TM7SF3: variants seen among roughly 807,000 people sequenced by gnomAD.
TM7SF3 encodes the protein transmembrane 7 superfamily member 3, also known as seven span transmembrane protein.
Under a neutral mutation model 65.5 loss-of-function variants are expected in TM7SF3, and 60 were observed. The observed-to-expected ratio is 0.92, with a 90% CI of 0.74 to 1.14. TM7SF3 has a LOEUF of 1.14. TM7SF3 is among the 50% of genes most tolerant of loss of function. The probability of loss-of-function intolerance (pLI) is 0.00; values close to 1 mark genes in which losing one functional copy is unlikely to be tolerated. For missense variants in TM7SF3, 623 were observed against 684.8 expected, an observed-to-expected ratio of 0.91 and a Z score of 1.01; for synonymous variants, 264 against 259.6, an observed-to-expected ratio of 1.02 and a Z score of -0.16.
chr12:27,011,704 T>C (rs1196195921), intron 1 of TM7SF3, among the ~76,000 whole-genome samples: 3 of 152,216 alleles, frequency 2.0e-5, no homozygotes, highest in African/African-American at 4.8e-5. Context: ...TTTTAGCTGA[T>C]AGATGTGGAG....
Position 26,991,373 on chromosome 12 carries a change from C to T in TM7SF3, c.691-746G>A, listed in dbSNP as rs376191163. Among the ~76,000 whole-genome samples, 918 of 151,378 alleles carry T rather than the reference C, an allele frequency of 6.1e-3. 8 individuals are homozygous for T. The highest frequency in any genetic ancestry group is 0.022 in the African/African-American group (888 of 41,230). On this transcript the variant is annotated intron_variant, in intron 5 of 11. Coordinates refer to ENST00000343028, the MANE Select transcript of TM7SF3 (RefSeq NM_016551.3). ...TTCACCTTGTTAGCCAGGATGGTCT[C>T]GATCTCCTGACCTCATGATCCACCC...
intron 6 of TM7SF3, chr12:26,983,356 T>C (rs1939901259): frequency 1.2e-5 from 4 of 331,730 alleles, no homozygotes; most frequent in Middle Eastern, 1.1e-3. Flanking sequence ...TGGAAAACAA[T>C]TGAGATGACT....
At chr12:26,992,668 G>T (rs189338691) in intron 5 of TM7SF3, among the ~76,000 whole-genome samples, 1 of 152,168 alleles carries the variant, frequency 6.6e-6, no homozygotes. Flanking sequence ...GCTATTACCC[G>T]TGTGGTTAAG....
chr12:27,013,959 G>A (rs1281553472), intron 1 of TM7SF3, 119 bp downstream of exon 1: 5 of 838,556 alleles, frequency 6.0e-6, no homozygotes, highest in Non-Finnish European at 1.0e-5. Context: ...ACCACCCAGC[G>A]TGTACCAACG....
intron 2 of TM7SF3, among the ~76,000 whole-genome samples, chr12:27,002,961 C>T (rs374630835): frequency 1.7e-4 from 26 of 152,290 alleles, no homozygotes; most frequent in East Asian, 1.2e-3. Flanking sequence ...ACGAAGAAAA[C>T]TTGCCTGCAT....
intron 5 of TM7SF3, among the ~76,000 whole-genome samples, chr12:26,991,443 C>T (rs1234650170): frequency 5.3e-5 from 8 of 152,284 alleles, no homozygotes; most frequent in African/African-American, 4.8e-5. Flanking sequence ...TGAGCCACCG[C>T]GCCCGGCCAG....
Position 26,973,700 on chromosome 12 carries a change from A to C in TM7SF3, c.*265T>G. The C allele has an allele frequency of 2.7e-6, 1 of 375,816 alleles. No individual in the cohort carries two copies. Among genetic ancestry groups the C allele is most frequent in the South Asian group, 6.5e-5 (1 of 15,294 alleles). 23.3% of individuals were successfully genotyped at this position (375,816 alleles called of 1,614,324 possible). On this transcript the variant is annotated 3_prime_UTR_variant, in exon 12 of 12. Transcript: ENST00000343028. ...ATTTAATGGAATAAGTTGATCATAGATTTGTAAACCAAAAGGTAATTTCTC... is the reference window on the plus strand; with the variant it reads ...ATTTAATGGAATAAGTTGATCATAGCTTTGTAAACCAAAAGGTAATTTCTC...
intron 9 of TM7SF3, 93 bp downstream of exon 9, chr12:26,979,691 C>G: frequency 1.4e-6 from 2 of 1,410,514 alleles, no homozygotes; most frequent in Non-Finnish European, 1.9e-6. Context: ...AGGAGAAGCA[C>G]TGACATGCAA....
At chr12:26,998,934 C>T (rs1361857490) in intron 3 of TM7SF3, among the ~76,000 whole-genome samples, 3 of 152,184 alleles carry the variant, frequency 2.0e-5, no homozygotes, top group African/African-American at 7.2e-5. Context: ...TTCATGACGT[C>T]GAGCTTACTG....
intron 7 of TM7SF3, among the ~76,000 whole-genome samples, chr12:26,982,149 T>C (rs999655929): frequency 2.0e-5 from 3 of 151,918 alleles, no homozygotes; most frequent in African/African-American, 7.3e-5. Flanking sequence ...TCCTCCCACC[T>C]CAGCCTCCCC....
intron 1 of TM7SF3, among the ~76,000 whole-genome samples, chr12:27,004,462 GTTTT>G (rs1311162267): frequency 1.3e-5 from 2 of 152,154 alleles, no homozygotes; most frequent in East Asian, 3.9e-4. Flanking sequence ...GAACTGTCAT[GTTTT>G]ATTTTAGAAG....
intron 1 of TM7SF3, among the ~76,000 whole-genome samples, chr12:27,006,143 T>TC (rs1941025163): frequency 2.1e-5 from 3 of 144,938 alleles, no homozygotes; most frequent in African/African-American, 7.7e-5. Flanking sequence ...TCTTTTTCTT[T>TC]TTTTTTTTTT....
At chr12:26,982,091 T>A (rs1387629433) in intron 7 of TM7SF3, among the ~76,000 whole-genome samples, 1 of 152,094 alleles carries the variant, frequency 6.6e-6, no homozygotes, top group Admixed American at 6.5e-5. Flanking sequence ...TGGAGTGCAG[T>A]GGCACAATCT....
intron 9 of TM7SF3, among the ~76,000 whole-genome samples, chr12:26,977,740 T>A (rs1383255947): frequency 3.9e-4 from 58 of 149,862 alleles, no homozygotes; most frequent in Non-Finnish European, 3.0e-5. Flanking sequence ...GGAGACAGAG[T>A]GAGACTCCGT....
rs1939558368 is a variant in TM7SF3 at position 26,976,265 on chromosome 12, T to C, written c.1282A>G (p.Arg428Gly). 6.2e-7 allele frequency: 1 copy of C among 1,608,470 alleles called. No homozygotes were observed. Residue 428 changes from arginine to glycine, a missense_variant, in exon 10 of 12, where the codon AGA becomes GGA. Transcript: ENST00000343028. ...ACTTTTGATGAAACACTTACTATTC[T>C]TAGGCAGCCCATGAAAACTACTGGA... ...LIPVVFMGCL[R>G]ILNILTCGVI...
At chr12:26,996,690 T>G (rs905883383) in intron 4 of TM7SF3, 52 bp downstream of exon 4, 1 of 1,554,160 alleles carries the variant, frequency 6.4e-7, no homozygotes, top group Non-Finnish European at 8.7e-7. Context: ...TCTACACAAC[T>G]GTCGTCATGT....
chr12:26,977,831 A>G (rs1471261012), intron 9 of TM7SF3: 10 of 249,622 alleles, frequency 4.0e-5, no homozygotes, highest in East Asian at 1.3e-4. Flanking sequence ...GGCCAGGTGC[A>G]GTGGCTCAAG....
Position 26,995,228 on chromosome 12 carries a change from C to T in TM7SF3, c.690+9G>A. 1 of 1,608,858 alleles carries T rather than the reference C, an allele frequency of 6.2e-7. No homozygotes were observed. The highest frequency in any genetic ancestry group is 1.3e-5 in the African/African-American group (1 of 74,834). ...ATCCAGCCACACAAATCATGGGACT[C>T]AGATTTACCTTGAGAGCACTGGCCT... is the stretch of plus-strand genomic sequence containing the variant. On this transcript the variant is annotated intron_variant, in intron 5 of 11. Coordinates refer to ENST00000343028, the MANE Select transcript of TM7SF3 (RefSeq NM_016551.3).
At chr12:26,999,829 T>C (rs1940758874) in intron 2 of TM7SF3, 153 bp from the exon 3 acceptor site, 4 of 681,478 alleles carry the variant, frequency 5.9e-6, no homozygotes, top group Middle Eastern at 3.6e-4. Flanking sequence ...TTTTCATCTC[T>C]ATGTTCACAT....
Sources: allele counts gnomAD v4.1 joint callset (sites outside exome capture counted in the v4.1 genomes callset), GRCh38; gene constraint gnomAD v4.1.1; transcripts MANE v1.5; gene names NCBI Gene and HGNC (gene_info 2026-07-23, HGNC 2026-07-21).